TM7SF3: variants seen among roughly 807,000 people sequenced by gnomAD.
TM7SF3 encodes seven span transmembrane protein.
In TM7SF3, 60 loss-of-function variants were observed where a neutral mutation model predicts 65.5. The ratio of observed to expected loss-of-function variants is 0.92; its 90% CI spans 0.74 to 1.14. The LOEUF (loss-of-function observed/expected upper bound fraction) is 1.14. Ranked by LOEUF, TM7SF3 falls within the 50% of genes most tolerant of loss-of-function variation. TM7SF3 has a pLI of 0.00. For synonymous variants in TM7SF3, 264 were observed against 259.6 expected, an observed-to-expected ratio of 1.02 and a Z score of -0.16; for missense variants, 623 against 684.8, an observed-to-expected ratio of 0.91 and a Z score of 1.01.
intron 1 of TM7SF3, among the ~76,000 whole-genome samples, chr12:27,003,856 C>T (rs1940931024): frequency 6.6e-6 from 1 of 152,202 alleles, no homozygotes; most frequent in South Asian, 2.1e-4. Context: ...TGTTTACCAG[C>T]TGTGTGATTT....
chr12:27,009,218 A>G (rs1470343677), intron 1 of TM7SF3, among the ~76,000 whole-genome samples: 1 of 152,158 alleles, frequency 6.6e-6, no homozygotes, highest in African/African-American at 2.4e-5. Flanking sequence ...ATTTATCTTG[A>G]CTATTTCTGA....
chr12:26,991,508 CT>C (rs2136414262), intron 5 of TM7SF3, among the ~76,000 whole-genome samples: 1 of 152,272 alleles, frequency 6.6e-6, no homozygotes, highest in African/African-American at 2.4e-5. Context: ...GAAACAAATG[CT>C]TTATAGAACC....
rs895133692 is a variant in TM7SF3 at position 26,982,036 on chromosome 12, CT to C, written c.955+736del. Among the ~76,000 whole-genome samples, 1,319 of 146,556 alleles carry C rather than the reference CT, an allele frequency of 9.0e-3. 12 individuals carry two copies. The highest frequency in any genetic ancestry group is 0.028 in the African/African-American group (1,142 of 40,294). On this transcript the variant is annotated intron_variant, in intron 7 of 11. Coordinates refer to ENST00000343028, the MANE Select transcript of TM7SF3 (RefSeq NM_016551.3). ...ATATTTTTACAAAGACAACCAACTT[CT>C]TTTTTTTTTTTCTTGAGACAGGATC...
At chr12:26,995,451 C>T (rs749469315) in intron 4 of TM7SF3, 43 bp from the exon 5 acceptor site, 40 of 1,600,756 alleles carry the variant, frequency 2.5e-5, no homozygotes, top group Non-Finnish European at 3.3e-5. Flanking sequence ...TCTTGTGGTG[C>T]AAGTCCCATC....
At chr12:27,000,588 T>C (rs997265135) in intron 2 of TM7SF3, among the ~76,000 whole-genome samples, 2 of 152,062 alleles carry the variant, frequency 1.3e-5, no homozygotes, top group Non-Finnish European at 2.9e-5. Context: ...GCCTCCCAAG[T>C]AGCTGGGACT....
Position 26,973,853 on chromosome 12 carries a change from G to T in TM7SF3, c.*112C>A. On this transcript the variant is annotated 3_prime_UTR_variant, in exon 12 of 12. Coordinates refer to ENST00000343028, the MANE Select transcript of TM7SF3 (RefSeq NM_016551.3). ...ATCAATAAGGGCACCATAATATTAT[G>T]CAAAGAACAGATATATATGCCTGAT... 7.5e-7 allele frequency: 1 copy of T among 1,326,134 alleles called. No homozygotes were observed. The allele number at this position is 1,326,134 out of a possible 1,614,324, so 82.1% of individuals were successfully genotyped here. A position where few individuals can be genotyped will look rare whatever the true frequency, so the allele number is the denominator to read the frequency against.
chr12:26,998,556 T>C (rs966126803), intron 3 of TM7SF3, among the ~76,000 whole-genome samples: 1 of 152,190 alleles, frequency 6.6e-6, no homozygotes, highest in Admixed American at 6.5e-5. Context: ...GCTGCCCAAA[T>C]AGGAAACCTA....
intron 11 of TM7SF3, among the ~76,000 whole-genome samples, chr12:26,974,707 A>C (rs1939497818): frequency 6.6e-6 from 1 of 152,136 alleles, no homozygotes; most frequent in South Asian, 2.1e-4. Context: ...AACCAATCGT[A>C]CTCAGCTTCT....
chr12:26,977,778 G>A (rs967207791), intron 9 of TM7SF3, among the ~76,000 whole-genome samples: 1 of 151,034 alleles, frequency 6.6e-6, no homozygotes, highest in Non-Finnish European at 1.5e-5. Flanking sequence ...GTGTGTGTGT[G>A]TGTGTGTGTG....
intron 2 of TM7SF3, among the ~76,000 whole-genome samples, chr12:27,001,740 C>T (rs749842680): frequency 6.6e-6 from 1 of 152,112 alleles, no homozygotes; most frequent in Non-Finnish European, 1.5e-5. Context: ...GAAGAAAGAA[C>T]TCATCTATGT....
intron 1 of TM7SF3, among the ~76,000 whole-genome samples, chr12:27,006,592 A>G (rs1941046494): frequency 6.7e-6 from 1 of 150,346 alleles, no homozygotes; most frequent in African/African-American, 2.5e-5. Flanking sequence ...AAGGTGCTAA[A>G]TAAACAGAAA....
At chr12:26,984,005 C>T (rs1939931624) in intron 6 of TM7SF3, among the ~76,000 whole-genome samples, 1 of 152,044 alleles carries the variant, frequency 6.6e-6, no homozygotes, top group African/African-American at 2.4e-5. Flanking sequence ...ACATAAAATG[C>T]CTAAGAGTGC....
At chr12:27,001,117 A>C (rs1486790546) in intron 2 of TM7SF3, among the ~76,000 whole-genome samples, 1 of 152,134 alleles carries the variant, frequency 6.6e-6, no homozygotes, top group Non-Finnish European at 1.5e-5. Flanking sequence ...CAAAAAAAAC[A>C]AAAGTGCCAC....
chr12:26,973,306 G>C lies in TM7SF3; in HGVS notation c.*659C>G, dbSNP rs1682565306. On this transcript the variant is annotated 3_prime_UTR_variant, in exon 12 of 12. Coordinates refer to ENST00000343028, the MANE Select transcript of TM7SF3 (RefSeq NM_016551.3). ...TCCTCCCATCTCAGTCTCCTTGGGA[G>C]CTGGGAGTAGGCATGTGCCACCATG... The C allele has an allele frequency of 6.6e-6, 1 of 152,100 alleles. No individual in the cohort carries two copies. Among genetic ancestry groups the C allele is most frequent in the Non-Finnish European group, 1.5e-5 (1 of 68,070 alleles). 9.4% of individuals were successfully genotyped at this position (152,100 alleles called of 1,614,324 possible).
chr12:27,008,585 G>A (rs1402576016), intron 1 of TM7SF3, among the ~76,000 whole-genome samples: 2 of 151,996 alleles, frequency 1.3e-5, no homozygotes, highest in Non-Finnish European at 2.9e-5. Context: ...AGAAATCTTT[G>A]TCAACATATA....
At chr12:27,009,663 T>G (rs1941173292) in intron 1 of TM7SF3, among the ~76,000 whole-genome samples, 1 of 152,182 alleles carries the variant, frequency 6.6e-6, no homozygotes, top group Admixed American at 6.5e-5. Flanking sequence ...TCTTCCAAAG[T>G]GCTGGGATTA....
At position 26,990,601 on chromosome 12, in the gene TM7SF3, C is replaced by T. The variant is rs774837805; in HGVS notation, c.717G>A (p.Lys239=). 1.2e-6 allele frequency: 2 copies of T among 1,613,728 alleles called. No individual in the cohort carries two copies. Among genetic ancestry groups the T allele is most frequent in the East Asian group, 2.2e-5 (1 of 44,880 alleles). The change falls in exon 6 of 12, where the codon AAG becomes AAA. Residue 239 remains lysine (K), a synonymous_variant. Coordinates refer to ENST00000343028, the MANE Select transcript of TM7SF3 (RefSeq NM_016551.3). ...GGAGGGAGGAGAAGGAAACACTTGT[C>T]TTATCATTAGCTGTTAGGGTAACCA... ...LKVVTLTAND[K]TSVSFSSLPG...
At chr12:27,006,498 T>C (rs1160159338) in intron 1 of TM7SF3, among the ~76,000 whole-genome samples, 1 of 152,120 alleles carries the variant, frequency 6.6e-6, no homozygotes, top group African/African-American at 2.4e-5. Flanking sequence ...AGGGACAAAA[T>C]GGGACATTCT....
rs756505155 is a variant in TM7SF3 at position 27,014,059 on chromosome 12, C to T, written c.91+19G>A. ...CAAAAGCAACTTTGGGTTGCAGAAG[C>T]CAGGCGCCCCGACCTTACCCTCGCT... On this transcript the variant is annotated intron_variant, in intron 1 of 11. Coordinates refer to ENST00000343028, the MANE Select transcript of TM7SF3 (RefSeq NM_016551.3). 1.9e-6 allele frequency: 3 copies of T among 1,555,168 alleles called. No individual in the cohort carries two copies. Among genetic ancestry groups the T allele is most frequent in the Admixed American group, 3.9e-5 (2 of 51,634 alleles).
Sources: gnomAD v4.1 joint callset for allele counts (sites outside exome capture counted in the v4.1 genomes callset) on GRCh38, gnomAD v4.1.1 for gene constraint, MANE v1.5 for transcripts, NCBI Gene and HGNC (gene_info 2026-07-23, HGNC 2026-07-21) for gene names.